The following XRCC4 variants were observed in gnomAD, a reference collection of about 807,000 sequenced individuals.
XRCC4 encodes X-ray repair cross complementing 4, also known as DNA repair protein XRCC4.
Under a neutral mutation model 39.1 loss-of-function variants are expected in XRCC4, and 28 were observed. The observed-to-expected ratio is 0.72, with a 90% CI of 0.53 to 0.98. The LOEUF (loss-of-function observed/expected upper bound fraction) is 0.98. Among genes scored for constraint, XRCC4 ranks in the 50% least tolerant of loss-of-function variants. XRCC4 has a pLI of 0.00. For missense variants in XRCC4, 350 were observed against 376.4 expected (o/e 0.93, Z 0.58); for synonymous variants, 123 against 126.4 (o/e 0.97, Z 0.18).
At chr5:83,182,621 T>C (rs1195491229) in intron 3 of XRCC4, among the ~76,000 whole-genome samples, 1 of 152,202 alleles carries the variant, frequency 6.6e-6, no homozygotes, top group Admixed American at 6.5e-5. Flanking sequence ...TTTGAATGTT[T>C]GTGTCTCTCC....
In XRCC4 at chr5:83,219,841, ATTCTTT is replaced by A. The variant is rs978709882; in HGVS notation, c.745+14930_745+14935del. On this transcript the variant is annotated intron_variant, in intron 6 of 7. Transcript: ENST00000396027. ...GTTAAACACGTATTAATATCAACAT[ATTCTTT>A]TTCTTTTTCCTTTTTAAATGTGGCT... 5.3e-5 allele frequency among the ~76,000 whole-genome samples: 8 copies of A among 152,326 alleles called. No homozygotes were observed. The East Asian group carries it at 5.8e-4, about 11-fold the overall frequency.
intron 3 of XRCC4, among the ~76,000 whole-genome samples, chr5:83,141,694 A>T (rs183788827): frequency 1.2e-4 from 18 of 151,936 alleles, no homozygotes; most frequent in African/African-American, 4.3e-4. Flanking sequence ...GATGTTGAAA[A>T]TGTATTAGGG....
At chr5:83,150,579 T>C (rs1748656876) in intron 3 of XRCC4, among the ~76,000 whole-genome samples, 1 of 152,154 alleles carries the variant, frequency 6.6e-6, no homozygotes, top group Non-Finnish European at 1.5e-5. Flanking sequence ...GCAATGAAGA[T>C]CTCTCTAGGT....
At chr5:83,364,856 T>C in the XRCC4 span, among the ~76,000 whole-genome samples, 3 of 152,348 alleles carry the variant, frequency 2.0e-5, no homozygotes, top group East Asian at 5.8e-4. Context: ...GCCTGTACAA[T>C]GTACTCTTTC....
chr5:83,295,005 T>G (rs1023167870), intron 7 of XRCC4, among the ~76,000 whole-genome samples: 1 of 152,038 alleles, frequency 6.6e-6, no homozygotes, highest in Non-Finnish European at 1.5e-5. Flanking sequence ...TCTCAAAGTT[T>G]TTTATGTTAA....
chr5:83,365,808 A>G, the XRCC4 span, among the ~76,000 whole-genome samples: 1 of 152,228 alleles, frequency 6.6e-6, no homozygotes, highest in African/African-American at 2.4e-5. Flanking sequence ...CAACTTCAGT[A>G]AATAAATAAT....
chr5:83,256,058 G>A (rs1753526984), intron 6 of XRCC4, among the ~76,000 whole-genome samples: 1 of 152,114 alleles, frequency 6.6e-6, no homozygotes, highest in South Asian at 2.1e-4. Context: ...TACATGCTTT[G>A]TTTTTATCAA....
At chr5:83,338,936 T>A (rs769437837) in intron 7 of XRCC4, among the ~76,000 whole-genome samples, 3 of 152,186 alleles carry the variant, frequency 2.0e-5, no homozygotes, top group Non-Finnish European at 4.4e-5. Flanking sequence ...ATATAACTTT[T>A]TATTGAAATC....
At chr5:83,198,955 C>A (rs567821336) in intron 4 of XRCC4, among the ~76,000 whole-genome samples, 9 of 152,198 alleles carry the variant, frequency 5.9e-5, no homozygotes, top group African/African-American at 2.2e-4. Context: ...AATAAAAACT[C>A]TCAAGTTCCA....
rs531005968 is a variant in XRCC4 at position 83,267,347 on chromosome 5, T to C, written c.893+8670T>C. Among the ~76,000 whole-genome samples, 131 of 152,298 alleles carry C rather than the reference T, an allele frequency of 8.6e-4. No homozygotes were observed. The Middle Eastern group carries it at 0.01, about 12-fold the overall frequency. On this transcript the variant is annotated intron_variant, in intron 7 of 7. Transcript: ENST00000396027. ...CACAGCATCCCCTTATTTCCTTTAGTAACAGAACTCCTTTCCACCACCTGC... is the reference window on the plus strand; with the variant it reads ...CACAGCATCCCCTTATTTCCTTTAGCAACAGAACTCCTTTCCACCACCTGC...
chr5:83,212,149 C>T (rs185206814), intron 6 of XRCC4, among the ~76,000 whole-genome samples: 21 of 151,330 alleles, frequency 1.4e-4, no homozygotes, highest in Admixed American at 7.2e-4. Context: ...TGTATATATA[C>T]ACACACACAC....
intron 3 of XRCC4, among the ~76,000 whole-genome samples, chr5:83,143,418 A>G (rs1748277095): frequency 1.3e-5 from 2 of 152,174 alleles, no homozygotes; most frequent in African/African-American, 4.8e-5. Flanking sequence ...GGTATGCCAT[A>G]AATATATAAA....
chr5:83,132,728 C>T (rs1355855883), intron 3 of XRCC4, among the ~76,000 whole-genome samples: 1 of 152,098 alleles, frequency 6.6e-6, no homozygotes, highest in Non-Finnish European at 1.5e-5. Flanking sequence ...GTTTTCAGCT[C>T]ATTCAGGTCA....
At chr5:83,282,625 C>T (rs537948254) in intron 7 of XRCC4, among the ~76,000 whole-genome samples, 1 of 152,086 alleles carries the variant, frequency 6.6e-6, no homozygotes, top group East Asian at 1.9e-4. Flanking sequence ...AGGTGGATCA[C>T]GAGGTCAGAG....
At chr5:83,365,228 G>A in the XRCC4 span, among the ~76,000 whole-genome samples, 3 of 152,224 alleles carry the variant, frequency 2.0e-5, no homozygotes, top group South Asian at 6.2e-4. Context: ...TTCAGACCAC[G>A]CTATAACTGA....
chr5:83,274,478 A>T (rs144731501), intron 7 of XRCC4, among the ~76,000 whole-genome samples: 2 of 152,346 alleles, frequency 1.3e-5, no homozygotes, highest in African/African-American at 4.8e-5. Context: ...CACAGAGGAT[A>T]GAAGACATGG....
chr5:83,255,036 G>A (rs753302783), intron 6 of XRCC4, among the ~76,000 whole-genome samples: 6 of 150,046 alleles, frequency 4.0e-5, no homozygotes, highest in East Asian at 2.0e-4. Context: ...GCAGTGAGCC[G>A]AGATCACGCC....
intron 7 of XRCC4, among the ~76,000 whole-genome samples, chr5:83,290,312 A>G (rs1370702366): frequency 6.6e-6 from 1 of 151,710 alleles, no homozygotes; most frequent in Non-Finnish European, 1.5e-5. Context: ...AAACCACAAT[A>G]TTCTTATTTT....
At chr5:83,100,950 A>G (rs17205706) in intron 1 of XRCC4, among the ~76,000 whole-genome samples, 5,482 of 152,216 alleles carry the variant, frequency 0.036, 161 homozygotes, top group Admixed American at 0.087. Flanking sequence ...ACATCTAGGC[A>G]AAGGACCTTA....
Sources: allele counts gnomAD v4.1 joint callset (sites outside exome capture counted in the v4.1 genomes callset), GRCh38; gene constraint gnomAD v4.1.1; transcripts MANE v1.5; gene names NCBI Gene and HGNC (gene_info 2026-07-23, HGNC 2026-07-21).